Variants in XRN2 observed in about 807,000 individuals in gnomAD.
The protein encoded by XRN2 is 5'-3' exoribonuclease 2.
In XRN2, 44 loss-of-function variants were observed where a neutral mutation model predicts 138.5. The ratio of observed to expected loss-of-function variants is 0.32; its 90% CI spans 0.25 to 0.41. The LOEUF is 0.41. Among genes scored for constraint, XRN2 ranks in the 10% least tolerant of loss-of-function variants. The pLI is 1.00. For synonymous variants in XRN2, 354 were observed against 369.4 expected (o/e 0.96, Z 0.48); for missense variants, 937 against 1,169.3 (o/e 0.80, Z 2.90).
chr20:21,357,906 T>G, intron 24 of XRN2, 114 bp downstream of exon 24: 1 of 822,478 alleles, frequency 1.2e-6, no homozygotes, highest in Non-Finnish European at 1.9e-6. Context: ...CACCAATGCT[T>G]CGAGATTGGA....
chr20:21,332,452 G>T lies in XRN2; in HGVS notation c.858+12G>T. On this transcript the variant is annotated intron_variant, in intron 9 of 29. Transcript: ENST00000377191. The stretch of plus-strand genomic sequence containing the variant: ...AAAAGAAGGGAAAGGTAAGAACTTT[G>T]AGATGGTAGTTGCCTCATTAAAAAA... 3.2e-6 allele frequency: 5 copies of T among 1,572,514 alleles called. No individual in the cohort carries two copies. In the South Asian group the frequency reaches 3.5e-5, roughly 11 times the overall value.
rs181226231 is a variant in XRN2 at position 21,326,696 on chromosome 20, G to A, written c.315+95G>A. On this transcript the variant is annotated intron_variant, in intron 3 of 29. Transcript: ENST00000377191. ...AGTCAGCTAAATAATGAAAAATGTTGACAGTGATGAACTTGAGAAAGAAAG... is the reference window on the plus strand; with the variant it reads ...AGTCAGCTAAATAATGAAAAATGTTAACAGTGATGAACTTGAGAAAGAAAG... 1.5e-3 allele frequency: 1,405 copies of A among 955,036 alleles called. 9 individuals are homozygous for A. The highest frequency in any genetic ancestry group is 1.8e-3 in the Non-Finnish European group (1,149 of 640,184). The allele number at this position is 955,036 out of a possible 1,614,324, so 59.2% of individuals were successfully genotyped here. A position where few individuals can be genotyped will look rare whatever the true frequency, so the allele number is the denominator to read the frequency against.
intron 27 of XRN2, among the ~76,000 whole-genome samples, chr20:21,373,887 A>T (rs1468353056): frequency 2.6e-5 from 4 of 152,030 alleles, no homozygotes; most frequent in Non-Finnish European, 5.9e-5. Context: ...TTTATATTGG[A>T]AATATCTTTT....
chr20:21,356,096 T>G lies in XRN2; in HGVS notation c.2037T>G (p.Leu679=). 1 of 1,612,354 alleles carries G rather than the reference T, an allele frequency of 6.2e-7. No homozygotes were observed. The highest frequency in any genetic ancestry group is 8.5e-7 in the Non-Finnish European group (1 of 1,178,996). The change falls in exon 22 of 30, where the codon CTT becomes CTG. Residue 679 remains leucine (L), a synonymous_variant. Coordinates refer to ENST00000377191, the MANE Select transcript of XRN2 (RefSeq NM_012255.5). ...LTPEETRRNS[L]GGDVLFVGKH... ...TCTCCCTAGCCAGAAGAAACAGCCT[T>G]GGAGGTGATGTCTTATTTGTGGGGA...
At chr20:21,331,206 C>G (rs569460371) in intron 6 of XRN2, among the ~76,000 whole-genome samples, 7 of 152,202 alleles carry the variant, frequency 4.6e-5, no homozygotes, top group Admixed American at 2.0e-4. Flanking sequence ...TGGTTCAGCA[C>G]TATATCCTTG....
intron 27 of XRN2, among the ~76,000 whole-genome samples, chr20:21,371,341 G>A (rs986605072): frequency 6.6e-6 from 1 of 152,156 alleles, no homozygotes; most frequent in Non-Finnish European, 1.5e-5. Context: ...CTCTGGCAGT[G>A]TAGCTTTGCT....
chr20:21,324,729 C>T (rs530146639), intron 1 of XRN2, among the ~76,000 whole-genome samples: 27 of 152,236 alleles, frequency 1.8e-4, no homozygotes, highest in Middle Eastern at 3.4e-3. Flanking sequence ...GAACTCCTGG[C>T]CTCAAGCAAT....
chr20:21,346,859 C>T (rs867540839), intron 17 of XRN2, among the ~76,000 whole-genome samples: 8 of 151,994 alleles, frequency 5.3e-5, no homozygotes, highest in South Asian at 4.2e-4. Context: ...CCTCGTGATC[C>T]GCCTGCCTCA....
chr20:21,332,771 C>T (rs1600686869), intron 9 of XRN2, among the ~76,000 whole-genome samples: 1 of 151,280 alleles, frequency 6.6e-6, no homozygotes, highest in African/African-American at 2.4e-5. Context: ...TTCTACTTAG[C>T]ACTTTTTCTG....
At chr20:21,308,760 A>G (rs918224795) in intron 1 of XRN2, among the ~76,000 whole-genome samples, 1 of 152,136 alleles carries the variant, frequency 6.6e-6, no homozygotes, top group Non-Finnish European at 1.5e-5. Context: ...TTTTCTCTTG[A>G]TCTGTGGCTT....
chr20:21,339,836 T>A (rs1364217161), intron 14 of XRN2, among the ~76,000 whole-genome samples: 1 of 152,180 alleles, frequency 6.6e-6, no homozygotes, highest in Non-Finnish European at 1.5e-5. Flanking sequence ...TCTTGTTTTC[T>A]TATCTTCCCT....
intron 1 of XRN2, among the ~76,000 whole-genome samples, chr20:21,309,096 A>G (rs2037843028): frequency 6.6e-6 from 1 of 152,198 alleles, no homozygotes; most frequent in Non-Finnish European, 1.5e-5. Context: ...TTTTCTTGAG[A>G]ATTCTTGAGA....
intron 20 of XRN2, among the ~76,000 whole-genome samples, chr20:21,349,868 A>G (rs1024626478): frequency 1.5e-4 from 23 of 152,236 alleles, no homozygotes; most frequent in African/African-American, 5.5e-4. Flanking sequence ...TAATTATAAC[A>G]TTCTTAGAAG....
intron 1 of XRN2, among the ~76,000 whole-genome samples, chr20:21,316,434 G>T (rs982317682): frequency 6.6e-6 from 1 of 152,054 alleles, no homozygotes; most frequent in Non-Finnish European, 1.5e-5. Context: ...TTAAATGTAG[G>T]TTCATGATCC....
Position 21,332,378 on chromosome 20 carries a change from T to G in XRN2, c.796T>G (p.Cys266Gly). 1 of 1,613,910 alleles carries G rather than the reference T, an allele frequency of 6.2e-7. No individual in the cohort carries two copies. The highest frequency in any genetic ancestry group is 1.1e-5 in the South Asian group (1 of 91,064). Residue 266 changes from cysteine to glycine, a missense_variant, in exon 9 of 30, where the codon TGT (cysteine) becomes GGT (glycine). By Grantham distance (159) the Cys-to-Gly change is radical. Around this residue, in one of 6 missense-constraint regions of XRN2, gnomAD observed 471 missense variants for 581.2 expected, o/e 0.81. Coordinates refer to ENST00000377191, the MANE Select transcript of XRN2 (RefSeq NM_012255.5). Reference sequence around the variant, plus strand: ...AAACAAGCCCAAACCATGTGGTCTTTGTAATCAGTTTGGACATGAGGTCAA... The same window carrying G: ...AAACAAGCCCAAACCATGTGGTCTTGGTAATCAGTTTGGACATGAGGTCAA... ...KPNKPKPCGLCNQFGHEVKDC... is the reference protein window; with the variant it reads ...KPNKPKPCGLGNQFGHEVKDC...
At chr20:21,309,850 A>C (rs148717017) in intron 1 of XRN2, among the ~76,000 whole-genome samples, 4,134 of 151,816 alleles carry the variant, frequency 0.027, 104 homozygotes, top group Non-Finnish European at 0.041. Context: ...TTGTAATTCT[A>C]CTTTCTTTGT....
chr20:21,342,996 A>G (rs1380459462), intron 15 of XRN2, among the ~76,000 whole-genome samples: 1 of 152,186 alleles, frequency 6.6e-6, no homozygotes, highest in Non-Finnish European at 1.5e-5. Context: ...TGTTTTTAAA[A>G]GAGATGTGCT....
chr20:21,322,244 G>A (rs893377171), intron 1 of XRN2, among the ~76,000 whole-genome samples: 2 of 152,078 alleles, frequency 1.3e-5, no homozygotes, highest in African/African-American at 4.8e-5. Flanking sequence ...ATTCACTAAC[G>A]TCGTATAAAA....
chr20:21,321,598 A>G (rs964708306), intron 1 of XRN2, among the ~76,000 whole-genome samples: 3 of 152,092 alleles, frequency 2.0e-5, no homozygotes, highest in African/African-American at 7.2e-5. Context: ...GATTACAGGC[A>G]TGAGCCACTG....
Sources: allele counts gnomAD v4.1 joint callset (sites outside exome capture counted in the v4.1 genomes callset), GRCh38; gene constraint gnomAD v4.1.1; regional missense constraint gnomAD v4.1.1; transcripts MANE v1.5; gene names NCBI Gene and HGNC (gene_info 2026-07-23, HGNC 2026-07-21).